Variants in PDCD5 observed in about 807,000 individuals in gnomAD.
PDCD5 encodes programmed cell death 5.
PDCD5 carries 23 observed loss-of-function variants against 21.9 expected under a neutral mutation model. That is an observed-to-expected ratio of 1.05 (90% confidence interval 0.76 to 1.49). PDCD5 has a LOEUF of 1.49. Among genes scored for constraint, PDCD5 ranks in the 40% most tolerant of loss-of-function variants. PDCD5 has a pLI of 0.00. For synonymous variants in PDCD5, 45 were observed against 49.4 expected (o/e 0.91, Z 0.37); for missense variants, 152 against 147.7 (o/e 1.03, Z -0.15).
chr19:32,583,060 C>T (rs1218491405), intron 2 of PDCD5, among the ~76,000 whole-genome samples: 2 of 152,184 alleles, frequency 1.3e-5, no homozygotes, highest in Non-Finnish European at 2.9e-5. Flanking sequence ...AAACAGATTG[C>T]TCTTGCCCCA....
chr19:32,586,523 GTC>G (rs1205358223), intron 4 of PDCD5: 1 of 1,117,526 alleles, frequency 8.9e-7, no homozygotes, highest in African/African-American at 1.6e-5. Flanking sequence ...GAAGTGGTGT[GTC>G]TATTCCTGAC....
chr19:32,583,683 C>T (rs947734236), intron 2 of PDCD5, among the ~76,000 whole-genome samples: 1 of 151,960 alleles, frequency 6.6e-6, no homozygotes, highest in Admixed American at 6.6e-5. Flanking sequence ...TGTGGCAGGC[C>T]AGGTGTGGTG....
intron 1 of PDCD5, 170 bp downstream of exon 1, chr19:32,581,497 C>G: frequency 7.7e-6 from 3 of 390,622 alleles, no homozygotes; most frequent in Non-Finnish European, 1.3e-5. Flanking sequence ...TCGCTTTCCT[C>G]GTCGCGAGGG....
Position 32,581,920 on chromosome 19 carries a change from T to A in PDCD5, c.67-275T>A, listed in dbSNP as rs368044905. 5.3e-5 allele frequency among the ~76,000 whole-genome samples: 8 copies of A among 152,288 alleles called. No homozygotes were observed. The South Asian group carries it at 1.5e-3, about 28-fold the overall frequency. On this transcript the variant is annotated intron_variant, in intron 1 of 5. Transcript: ENST00000590247. ...GAGGCCCGTTTTATTTTCCAGAAAT[T>A]ATTCCTACATGTGAAACACGGTTTC...
chr19:32,581,204 C>A lies in PDCD5; in HGVS notation c.-58C>A. ...AGCGCCTGCGCAGTGGTCAAGGCCG[C>A]GCTCGCGCCGAGGGGCTGCGAGAGT... On this transcript the variant is annotated 5_prime_UTR_variant, in exon 1 of 6. Transcript: ENST00000590247. 4 of 1,312,454 alleles carry A rather than the reference C, an allele frequency of 3.0e-6. No individual in the cohort carries two copies. The highest frequency in any genetic ancestry group is 4.1e-6 in the Non-Finnish European group (4 of 985,412). 81.3% of individuals were successfully genotyped at this position (1,312,454 alleles called of 1,614,324 possible).
intron 1 of PDCD5, 141 bp downstream of exon 1, chr19:32,581,468 C>CGGCTCAGAGGTGGCCTCGTCGCT (rs1971424985): frequency 4.3e-6 from 2 of 462,248 alleles, no homozygotes; most frequent in African/African-American, 2.1e-5. Flanking sequence ...GCCTCGTGGC[C>CGGCTCAGAGGTGGCCTCGTCGCT]GGCTCAGAGG....
intron 1 of PDCD5, 29 bp downstream of exon 1, chr19:32,581,356 G>A (rs1251845945): frequency 1.4e-6 from 2 of 1,450,360 alleles, no homozygotes; most frequent in Non-Finnish European, 1.8e-6. Flanking sequence ...GCCAGGCTTG[G>A]CCCTCGCGGG....
rs753658162 is a variant in PDCD5 at position 32,582,175 on chromosome 19, T to G, written c.67-20T>G. On this transcript the variant is annotated intron_variant, in intron 1 of 5. Coordinates refer to ENST00000590247, the MANE Select transcript of PDCD5 (RefSeq NM_004708.4). ...CCTCCCGTGAAATTTCTCTATTAAATTTAAGTTTTTTTTTTCCAGGATCCT... is the reference window on the plus strand; with the variant it reads ...CCTCCCGTGAAATTTCTCTATTAAAGTTAAGTTTTTTTTTTCCAGGATCCT... 9.4e-6 allele frequency: 15 copies of G among 1,600,706 alleles called. No individual in the cohort carries two copies. Among genetic ancestry groups the G allele is most frequent in the Non-Finnish European group, 1.1e-5 (13 of 1,169,762 alleles).
At chr19:32,586,139 A>G in intron 4 of PDCD5, 1 of 1,496,872 alleles carries the variant, frequency 6.7e-7, no homozygotes. Flanking sequence ...TCTGTGACCC[A>G]ATGACTGTTA....
In PDCD5 at chr19:32,581,267, G is replaced by T. The variant is rs1716190554; in HGVS notation, c.6G>T (p.Ala2=). 5 of 1,519,518 alleles carry T rather than the reference G, an allele frequency of 3.3e-6. No homozygotes were observed. The African/African-American group carries it at 4.3e-5, about 13-fold the overall frequency. The allele number at this position is 1,519,518 out of a possible 1,614,324, so 94.1% of individuals were successfully genotyped here. The change falls in exon 1 of 6, where the codon GCG becomes GCT. Residue 2 remains alanine (A), a synonymous_variant. Transcript: ENST00000590247. M[A]DEELEALRRQ... is the part of the protein sequence containing the mutation. ...TCCAGCGCTGACGCCGAGCCATGGC[G>T]GACGAGGAGCTTGAGGCGCTGAGGA...
chr19:32,582,227 G>A lies in PDCD5; in HGVS notation c.99G>A (p.Lys33=). The A allele has an allele frequency of 1.2e-6, 2 of 1,612,626 alleles. No individual in the cohort carries two copies. The highest frequency in any genetic ancestry group is 8.5e-7 in the Non-Finnish European group (1 of 1,178,820). ...GTGATGCGGCCCAACAGGAAGCAAA[G>A]CACAGGTATGGGCTGGAAACGTGAA... ...DPGDAAQQEA[K]HREAEMRNSI... is the part of the protein sequence containing the mutation. Residue 33 remains lysine (K), a synonymous_variant, in exon 2 of 6, where the codon AAG becomes AAA. Coordinates refer to ENST00000590247, the MANE Select transcript of PDCD5 (RefSeq NM_004708.4).
At chr19:32,581,442 C>G in intron 1 of PDCD5, 115 bp downstream of exon 1, 1 of 562,952 alleles carries the variant, frequency 1.8e-6, no homozygotes, top group East Asian at 3.7e-5. Context: ...CCCCGGTCCC[C>G]TGCGCTGCCC....
chr19:32,581,633 G>T (rs1263233603), intron 1 of PDCD5: 2 of 294,622 alleles, frequency 6.8e-6, no homozygotes, highest in South Asian at 3.0e-4. Flanking sequence ...TCAGCTTTTG[G>T]AGCCAGCAGC....
chr19:32,586,801 A>G, intron 4 of PDCD5, 57 bp from the exon 5 acceptor site: 1 of 1,574,130 alleles, frequency 6.4e-7, no homozygotes, highest in Non-Finnish European at 8.6e-7. Context: ...CCATCTGCAG[A>G]GGTAAATTCT....
chr19:32,584,349 AAAAAG>A (rs1332236638), intron 2 of PDCD5, among the ~76,000 whole-genome samples: 5 of 152,236 alleles, frequency 3.3e-5, no homozygotes, highest in East Asian at 1.9e-4. Flanking sequence ...ATTTGAAAGA[AAAAAG>A]AAACAAGTCC....
chr19:32,587,081 G>C, intron 5 of PDCD5, 152 bp downstream of exon 5: 1 of 829,572 alleles, frequency 1.2e-6, no homozygotes, highest in Non-Finnish European at 1.9e-6. Flanking sequence ...GAATCTGTTG[G>C]GGGAGGGTTC....
At chr19:32,585,651 G>C (rs1261271394) in intron 3 of PDCD5, among the ~76,000 whole-genome samples, 165 bp from the exon 4 acceptor site, 1 of 152,172 alleles carries the variant, frequency 6.6e-6, no homozygotes, top group Non-Finnish European at 1.5e-5. Flanking sequence ...TGGCATGGGT[G>C]AACTTCAGTT....
At chr19:32,586,140 A>G (rs1286964801) in intron 4 of PDCD5, 3 of 1,497,232 alleles carry the variant, frequency 2.0e-6, no homozygotes, top group South Asian at 1.3e-5. Flanking sequence ...CTGTGACCCA[A>G]TGACTGTTAG....
Position 32,584,387 on chromosome 19 carries a change from G to A in PDCD5, c.105-563G>A, listed in dbSNP as rs566588764. Among the ~76,000 whole-genome samples, 6 of 152,284 alleles carry A rather than the reference G, an allele frequency of 3.9e-5. No individual in the cohort carries two copies. The South Asian group carries it at 8.3e-4, about 21-fold the overall frequency. On this transcript the variant is annotated intron_variant, in intron 2 of 5. Coordinates refer to ENST00000590247, the MANE Select transcript of PDCD5 (RefSeq NM_004708.4). ...TCCATGAGACCACTGTCCTGTGAACGTGAACTACTTTCTATTTGGGTAGGT... is the reference window on the plus strand; with the variant it reads ...TCCATGAGACCACTGTCCTGTGAACATGAACTACTTTCTATTTGGGTAGGT...
Sources: gnomAD v4.1 joint callset for allele counts (sites outside exome capture counted in the v4.1 genomes callset) on GRCh38, gnomAD v4.1.1 for gene constraint, MANE v1.5 for transcripts, NCBI Gene and HGNC (gene_info 2026-07-23, HGNC 2026-07-21) for gene names.